The following MAPRE2 variants were observed in gnomAD, a reference collection of about 807,000 sequenced individuals.
MAPRE2 encodes the protein microtubule associated protein RP/EB family member 2.
MAPRE2 carries 13 observed loss-of-function variants against 43.2 expected under a neutral mutation model. The observed-to-expected ratio is 0.30, with a 90% CI of 0.20 to 0.48. The LOEUF (loss-of-function observed/expected upper bound fraction) is 0.48. Among genes scored for constraint, MAPRE2 ranks in the 20% least tolerant of loss-of-function variants. The pLI is 0.99. For missense variants in MAPRE2, 161 were observed against 400.2 expected (o/e 0.40, Z 5.10); for synonymous variants, 135 against 148.8 (o/e 0.91, Z 0.68).
intron 1 of MAPRE2, among the ~76,000 whole-genome samples, chr18:35,064,116 A>G (rs546415363): frequency 6.7e-6 from 1 of 149,630 alleles, no homozygotes; most frequent in East Asian, 2.0e-4. Flanking sequence ...CCCAGGAGGC[A>G]GAGGTTGTGA....
rs2097014916 is a variant in MAPRE2, at chr18:34,979,404, C to A, written c.-70+2325C>A. Among the ~76,000 whole-genome samples the A allele has an allele frequency of 3.3e-5, 5 of 152,304 alleles. No homozygotes were observed. The South Asian group carries it at 1.0e-3, about 32-fold the overall frequency. On this transcript the variant is annotated intron_variant, in intron 1 of 7. Transcript: ENST00000413393. ...TTACAGCGAGTAGTTTGTTGACACGCACAAACTGCACTCCTTTGAAAGCAC... is the reference window on the plus strand; with the variant it reads ...TTACAGCGAGTAGTTTGTTGACACGAACAAACTGCACTCCTTTGAAAGCAC...
intron 1 of MAPRE2, among the ~76,000 whole-genome samples, chr18:35,004,660 G>A (rs2150580219): frequency 6.6e-6 from 1 of 152,230 alleles, no homozygotes; most frequent in Non-Finnish European, 1.5e-5. Flanking sequence ...GCTTACGCCT[G>A]TAATCCCAGC....
chr18:35,024,980 G>C (rs932576842), intron 2 of MAPRE2, among the ~76,000 whole-genome samples: 1 of 152,100 alleles, frequency 6.6e-6, no homozygotes, highest in Non-Finnish European at 1.5e-5. Context: ...AACACTAGAG[G>C]GTTATTCTGA....
chr18:35,026,276 G>T (rs1038764811), intron 2 of MAPRE2, among the ~76,000 whole-genome samples: 1 of 152,156 alleles, frequency 6.6e-6, no homozygotes, highest in African/African-American at 2.4e-5. Context: ...AAAGCTAAGT[G>T]CTGGCTATCA....
chr18:34,985,292 AT>A (rs1568961477), intron 1 of MAPRE2, among the ~76,000 whole-genome samples: 9 of 18,644 alleles, frequency 4.8e-4, no homozygotes, highest in African/African-American at 1.6e-3. Context: ...ATTATATATT[AT>A]ATTATATATT....
rs779203226 is a variant in MAPRE2, at chr18:35,032,460, G to A, written c.-8+26907G>A. ...ATAGTTGAGAATTTCTCAAGTCCAA[G>A]GCAATGCAAAAATCCCTGTTCTAGA... is the stretch of plus-strand genomic sequence containing the variant. On this transcript the variant is annotated intron_variant, in intron 2 of 7. Transcript: ENST00000413393. Among the ~76,000 whole-genome samples, 164 of 152,108 alleles carry A rather than the reference G, an allele frequency of 1.1e-3. 1 individual carries two copies. The highest frequency in any genetic ancestry group is 1.3e-3 in the Non-Finnish European group (89 of 68,012).
chr18:35,040,294 ACTGCACAGTG>A (rs1603392798), upstream of MAPRE2, among the ~76,000 whole-genome samples: 1 of 152,220 alleles, frequency 6.6e-6, no homozygotes, highest in African/African-American at 2.4e-5. Context: ...TAATCCGTAG[ACTGCACAGTG>A]CTAGCAATTC....
At chr18:35,051,909 G>A (rs502989) in intron 1 of MAPRE2, among the ~76,000 whole-genome samples, 1 of 152,068 alleles carries the variant, frequency 6.6e-6, no homozygotes, top group Non-Finnish European at 1.5e-5. Flanking sequence ...TAGTATTATT[G>A]CTTGCAGCTT....
Position 35,028,923 on chromosome 18 carries a change from A to G in MAPRE2, c.-8+23370A>G, listed in dbSNP as rs376075860. Among the ~76,000 whole-genome samples the G allele has an allele frequency of 1.1e-4, 16 of 152,354 alleles. 1 individual carries two copies. The highest frequency in any genetic ancestry group is 4.6e-4 in the Admixed American group (7 of 15,306). On this transcript the variant is annotated intron_variant, in intron 2 of 7. Transcript: ENST00000413393. The stretch of plus-strand genomic sequence containing the variant: ...TAACTATTAACTCATTATGTCTCAC[A>G]TATTAAGACTAAGACCTCTGGTTTT...
At chr18:34,985,465 TTATATAA>T (rs1180452824) in intron 1 of MAPRE2, among the ~76,000 whole-genome samples, 2 of 52,394 alleles carry the variant, frequency 3.8e-5, no homozygotes, top group Non-Finnish European at 6.4e-5. Context: ...ATATTGTATA[TTATATAA>T]TATATAATAT....
intron 4 of MAPRE2, among the ~76,000 whole-genome samples, chr18:35,111,699 G>A (rs115964291): frequency 2.5e-4 from 38 of 152,274 alleles, no homozygotes; most frequent in African/African-American, 8.9e-4. Context: ...GCAAGACTTC[G>A]TTTTCCTTAT....
chr18:35,044,156 C>T (rs1293195805), intron 1 of MAPRE2, among the ~76,000 whole-genome samples: 1 of 152,184 alleles, frequency 6.6e-6, no homozygotes, highest in Non-Finnish European at 1.5e-5. Context: ...CTGGCAAGAT[C>T]AGAGGGAATT....
At chr18:35,127,766 G>A (rs1363297830) in intron 5 of MAPRE2, 1 of 152,198 alleles carries the variant, frequency 6.6e-6, no homozygotes, top group Non-Finnish European at 1.5e-5. Flanking sequence ...GGCCACAATT[G>A]TGTTTTAAGT....
intron 2 of MAPRE2, among the ~76,000 whole-genome samples, chr18:35,083,399 C>T (rs538767472): frequency 9.2e-5 from 14 of 152,178 alleles, no homozygotes; most frequent in Non-Finnish European, 1.6e-4. Context: ...ATGTAACTTT[C>T]GAACTTGTTT....
intron 3 of MAPRE2, among the ~76,000 whole-genome samples, chr18:35,099,259 A>G (rs971064024): frequency 6.6e-6 from 1 of 152,384 alleles, no homozygotes; most frequent in East Asian, 1.9e-4. Context: ...CTAACAATCA[A>G]TATCAGCATA....
chr18:34,981,919 C>T (rs1338732256), intron 1 of MAPRE2, among the ~76,000 whole-genome samples: 1 of 142,020 alleles, frequency 7.0e-6, no homozygotes, highest in Non-Finnish European at 1.5e-5. Context: ...GAGTCTCACT[C>T]TGTCTCCCAG....
intron 1 of MAPRE2, among the ~76,000 whole-genome samples, chr18:35,000,780 A>G (rs1182751004): frequency 6.6e-6 from 1 of 152,180 alleles, no homozygotes; most frequent in African/African-American, 2.4e-5. Flanking sequence ...CACAATGGCT[A>G]AAGAATAAAA....
At chr18:34,981,339 C>T (rs1029680550) in intron 1 of MAPRE2, among the ~76,000 whole-genome samples, 2 of 151,434 alleles carry the variant, frequency 1.3e-5, no homozygotes, top group Non-Finnish European at 2.9e-5. Flanking sequence ...GATTTCACCA[C>T]TGCACTCCAG....
intron 1 of MAPRE2, among the ~76,000 whole-genome samples, chr18:34,997,873 T>A (rs1292234724): frequency 6.6e-6 from 1 of 152,168 alleles, no homozygotes; most frequent in East Asian, 1.9e-4. Flanking sequence ...ATGTGATATA[T>A]ATAAAATAAT....
Sources: allele counts gnomAD v4.1 joint callset (sites outside exome capture counted in the v4.1 genomes callset), GRCh38; gene constraint gnomAD v4.1.1; transcripts MANE v1.5; gene names NCBI Gene and HGNC (gene_info 2026-07-23, HGNC 2026-07-21).